The following SOX6 variants were observed in gnomAD, a reference collection of about 807,000 sequenced individuals.
SOX6 encodes the protein SRY-box transcription factor 6.
In SOX6, 11 loss-of-function variants were observed where a neutral mutation model predicts 97.8. That is an observed-to-expected ratio of 0.11 (90% CI 0.07 to 0.19). SOX6 has a LOEUF of 0.19. Ranked by LOEUF, SOX6 falls within the 10% of genes least tolerant of loss-of-function variation. The pLI is 1.00. For missense variants in SOX6, 810 were observed against 1,039.5 expected (o/e 0.78, Z 3.04); for synonymous variants, 360 against 371.4 (o/e 0.97, Z 0.35).
intron 4 of SOX6, among the ~76,000 whole-genome samples, chr11:16,486,840 T>A (rs35911416): frequency 2.0e-5 from 3 of 151,760 alleles, no homozygotes; most frequent in African/African-American, 7.3e-5. Flanking sequence ...AGAGCGAGAC[T>A]CCATCTCAAA....
chr11:16,313,226 T>C (rs999487547), intron 3 of SOX6: 5 of 152,206 alleles, frequency 3.3e-5, no homozygotes, highest in African/African-American at 1.2e-4. Flanking sequence ...GAGTTTTTGT[T>C]TCATCATGCA....
chr11:16,609,433 C>G (rs1348046240), intron 4 of SOX6, among the ~76,000 whole-genome samples: 1 of 151,820 alleles, frequency 6.6e-6, no homozygotes, highest in South Asian at 2.1e-4. Flanking sequence ...GACAGTTCAT[C>G]GAAAGAGACT....
In SOX6 at chr11:15,994,299, T is replaced by C. The variant is rs186417349; in HGVS notation, c.1733-5069A>G. On this transcript the variant is annotated intron_variant, in intron 13 of 15. Transcript: ENST00000683767. ...GAGCAGCATCTTAAAGGAGAAGTAATAATTTACCAGCAGGTATGAATGTGA... is the reference window on the plus strand; with the variant it reads ...GAGCAGCATCTTAAAGGAGAAGTAACAATTTACCAGCAGGTATGAATGTGA... Among the ~76,000 whole-genome samples, 7 of 151,650 alleles carry C rather than the reference T, an allele frequency of 4.6e-5. No homozygotes were observed. In the East Asian group the frequency reaches 1.4e-3, roughly 30 times the overall value.
At chr11:16,076,111 C>T (rs950739644) in intron 9 of SOX6, among the ~76,000 whole-genome samples, 1 of 152,008 alleles carries the variant, frequency 6.6e-6, no homozygotes, top group Non-Finnish European at 1.5e-5. Flanking sequence ...AAAATCAATT[C>T]AAGATGGATT....
chr11:16,166,389 A>G (rs1296041020), intron 6 of SOX6, among the ~76,000 whole-genome samples: 2 of 152,214 alleles, frequency 1.3e-5, no homozygotes, highest in Admixed American at 6.5e-5. Flanking sequence ...CTTCTGCAAT[A>G]TTTGCTTCAA....
In SOX6 at chr11:16,541,712, A is replaced by C. The variant is rs183583231; in HGVS notation, n.610-65324T>G. 8.5e-5 allele frequency among the ~76,000 whole-genome samples: 13 copies of C among 152,366 alleles called. No homozygotes were observed. The East Asian group carries it at 2.5e-3, about 29-fold the overall frequency. Reference sequence around the variant, plus strand: ...TATGCAGCCAGCAGACACATGAAAAAATGCTCATCATCACTGGTTATCAGA... The same window carrying C: ...TATGCAGCCAGCAGACACATGAAAACATGCTCATCATCACTGGTTATCAGA... On this transcript the variant is annotated intron_variant and non_coding_transcript_variant, in intron 4 of 5. Coordinates refer to the SOX6 transcript ENST00000524520.
At position 16,706,472 on chromosome 11, in the gene SOX6, ATAT is replaced by A. The variant is rs1333298046; in HGVS notation, n.429+8355_429+8357del. ...CACAAAAAAAAAAAAAAAAAAAAAA[ATAT>A]ATATATATATATATATATATATATA... On this transcript the variant is annotated intron_variant and non_coding_transcript_variant, in intron 3 of 5. Coordinates refer to the SOX6 transcript ENST00000524520. Among the ~76,000 whole-genome samples the A allele has an allele frequency of 5.5e-4, 9 of 16,510 alleles. 1 individual carries two copies. Among genetic ancestry groups the A allele is most frequent in the African/African-American group, 1.4e-3 (3 of 2,098 alleles). The allele number at this position is 16,510 out of a possible 152,430, so 10.8% of individuals were successfully genotyped here. A position where few individuals can be genotyped will look rare whatever the true frequency, so the allele number is the denominator to read the frequency against.
intron 3 of SOX6, among the ~76,000 whole-genome samples, chr11:16,644,446 T>A (rs1016068070): frequency 6.6e-6 from 1 of 152,216 alleles, no homozygotes; most frequent in Admixed American, 6.6e-5. Flanking sequence ...ATAGCCCTAT[T>A]ACAATAAACA....
chr11:16,614,519 T>C (rs1039652104), intron 3 of SOX6, among the ~76,000 whole-genome samples: 1 of 152,224 alleles, frequency 6.6e-6, no homozygotes, highest in Non-Finnish European at 1.5e-5. Flanking sequence ...ATAATGATTA[T>C]TAATTATATC....
chr11:16,073,003 C>T (rs187433350), intron 9 of SOX6, among the ~76,000 whole-genome samples: 10 of 152,188 alleles, frequency 6.6e-5, no homozygotes, highest in South Asian at 6.2e-4. Flanking sequence ...CACTTAAGTA[C>T]GCAGACTAGT....
intron 3 of SOX6, among the ~76,000 whole-genome samples, chr11:16,250,925 A>C (rs1165471003): frequency 1.3e-5 from 2 of 152,150 alleles, no homozygotes; most frequent in Non-Finnish European, 2.9e-5. Context: ...TGAATGATAA[A>C]TCAAGTCTAA....
intron 9 of SOX6, among the ~76,000 whole-genome samples, chr11:16,064,212 AAAG>A (rs750838470): frequency 1.3e-4 from 20 of 151,726 alleles, no homozygotes; most frequent in African/African-American, 4.8e-4. Flanking sequence ...GATAAGATAA[AAAG>A]AAGAACTATG....
chr11:16,287,693 T>C (rs1854793980), intron 3 of SOX6, among the ~76,000 whole-genome samples: 1 of 152,110 alleles, frequency 6.6e-6, no homozygotes, highest in Non-Finnish European at 1.5e-5. Flanking sequence ...AAATAAGGCA[T>C]GCAAAAGCCC....
intron 6 of SOX6, among the ~76,000 whole-genome samples, chr11:16,143,931 T>C (rs1030988698): frequency 2.6e-5 from 4 of 152,072 alleles, no homozygotes; most frequent in Non-Finnish European, 5.9e-5. Context: ...CTGTCAACAT[T>C]AGACAGACCA....
intron 6 of SOX6, among the ~76,000 whole-genome samples, chr11:16,141,354 T>C (rs912963869): frequency 3.9e-5 from 6 of 152,106 alleles, no homozygotes; most frequent in Non-Finnish European, 5.9e-5. Flanking sequence ...TGCTTCATCT[T>C]TCCCAATAAA....
At chr11:16,284,000 C>T (rs536133150) in intron 3 of SOX6, 2 of 315,634 alleles carry the variant, frequency 6.3e-6, no homozygotes, top group East Asian at 1.1e-4. Context: ...TGTGTTTACA[C>T]TATTAATAAT....
At chr11:16,553,781 C>T (rs567584951) in intron 4 of SOX6, among the ~76,000 whole-genome samples, 7 of 152,076 alleles carry the variant, frequency 4.6e-5, no homozygotes, top group South Asian at 4.1e-4. Context: ...TGCATAAAGA[C>T]GGGATAGATG....
intron 9 of SOX6, among the ~76,000 whole-genome samples, chr11:16,064,299 T>C (rs1157875136): frequency 6.6e-6 from 1 of 151,632 alleles, no homozygotes; most frequent in Non-Finnish European, 1.5e-5. Context: ...TATGCTCCAG[T>C]ATACAAAAAC....
chr11:16,269,630 G>C (rs899621019), intron 3 of SOX6, among the ~76,000 whole-genome samples: 2 of 150,772 alleles, frequency 1.3e-5, no homozygotes, highest in African/African-American at 2.4e-5. Flanking sequence ...TTATTTTAAA[G>C]CTTTCCTCAT....
Sources: gnomAD v4.1 joint callset for allele counts (sites outside exome capture counted in the v4.1 genomes callset) on GRCh38, gnomAD v4.1.1 for gene constraint, MANE v1.5 for transcripts, NCBI Gene and HGNC (gene_info 2026-07-23, HGNC 2026-07-21) for gene names.